SPHKAP: variants seen among roughly 807,000 people sequenced by gnomAD.
SPHKAP encodes A-kinase anchor protein SPHKAP.
SPHKAP carries 67 observed loss-of-function variants against 137.5 expected under a neutral mutation model. That is an observed-to-expected ratio of 0.49 (90% CI 0.40 to 0.60). The LOEUF (loss-of-function observed/expected upper bound fraction) is 0.60. SPHKAP is among the 20% of genes least tolerant of loss of function. SPHKAP has a pLI of 0.00. For missense variants in SPHKAP, 2,097 were observed against 2,069.3 expected, an observed-to-expected ratio of 1.01 and a Z score of -0.26; for synonymous variants, 813 against 785.3, an observed-to-expected ratio of 1.04 and a Z score of -0.59.
chr2:228,181,481 G>T lies in SPHKAP; in HGVS notation c.32+86C>A. On this transcript the variant is annotated intron_variant, in intron 1 of 11. Coordinates refer to ENST00000392056, the MANE Select transcript of SPHKAP (RefSeq NM_001142644.2). The surrounding 1 kb of genome is among the most constrained non-coding windows in gnomAD (Gnocchi z 4.3). The stretch of plus-strand genomic sequence containing the variant: ...CTGGGAGCCCCGTGCAAACCGAAGC[G>T]CTCTGGGGCAAGTTGGTGAGCGACT... The T allele has an allele frequency of 1.9e-6, 3 of 1,592,366 alleles. No individual in the cohort carries two copies. Among genetic ancestry groups the T allele is most frequent in the Non-Finnish European group, 1.7e-6 (2 of 1,160,420 alleles).
At chr2:228,050,327 C>T (rs1559147431) in intron 3 of SPHKAP, among the ~76,000 whole-genome samples, 2 of 152,178 alleles carry the variant, frequency 1.3e-5, no homozygotes, top group Non-Finnish European at 1.5e-5. Flanking sequence ...AATCCCATTG[C>T]TGAGTATAAA....
intron 3 of SPHKAP, among the ~76,000 whole-genome samples, chr2:228,042,655 A>G (rs1156450357): frequency 6.6e-6 from 1 of 152,164 alleles, no homozygotes; most frequent in Non-Finnish European, 1.5e-5. Flanking sequence ...GTCATTTCTG[A>G]GAACATAAAA....
At chr2:227,988,827 C>T (rs528722623) in intron 11 of SPHKAP, among the ~76,000 whole-genome samples, 3 of 152,258 alleles carry the variant, frequency 2.0e-5, no homozygotes, top group African/African-American at 7.2e-5. Context: ...CCCTTTGCTG[C>T]TGAGTTGTAA....
intron 2 of SPHKAP, among the ~76,000 whole-genome samples, chr2:228,126,464 T>G (rs1399322780): frequency 6.6e-6 from 1 of 152,116 alleles, no homozygotes; most frequent in Non-Finnish European, 1.5e-5. Context: ...CAAACATAAC[T>G]TAATTGTCAC....
In SPHKAP at chr2:228,147,779, G is replaced by A. The variant is rs74843884; in HGVS notation, c.33-15694C>T. ...TATTTTGCCCCAATCATTGTGACAG[G>A]ATTTTTACATTTGCCACTTTAAATC... is the stretch of plus-strand genomic sequence containing the variant. On this transcript the variant is annotated intron_variant, in intron 1 of 11. Coordinates refer to ENST00000392056, the MANE Select transcript of SPHKAP (RefSeq NM_001142644.2). 1.8e-3 allele frequency among the ~76,000 whole-genome samples: 275 copies of A among 152,286 alleles called. 1 individual carries two copies. The East Asian group carries it at 0.022, about 12-fold the overall frequency.
At chr2:228,180,625 A>T (rs535443684) in intron 1 of SPHKAP, among the ~76,000 whole-genome samples, 121 of 152,308 alleles carry the variant, frequency 7.9e-4, no homozygotes, top group African/African-American at 2.7e-3. Flanking sequence ...CGCCGCAGCC[A>T]GGACACCCTC....
chr2:228,109,772 C>A (rs1436427791), intron 2 of SPHKAP, among the ~76,000 whole-genome samples: 2 of 151,758 alleles, frequency 1.3e-5, no homozygotes, highest in African/African-American at 4.8e-5. Flanking sequence ...TTGAGACCAG[C>A]CTGGCTAACA....
chr2:228,010,046 TC>T (rs1281346554), intron 7 of SPHKAP, among the ~76,000 whole-genome samples: 22 of 152,298 alleles, frequency 1.4e-4, no homozygotes, highest in African/African-American at 4.8e-4. Context: ...AGTCTGTGTC[TC>T]CTCACCTCAT....
Position 227,993,565 on chromosome 2 carries a change from G to A in SPHKAP, c.4690C>T (p.Gln1564Ter). Reference sequence around the variant, plus strand: ...ATGGGAGAAGATGGCATGCTTTCCTGATAAATGTCCAGATCCATAATGCCA... The same window carrying A: ...ATGGGAGAAGATGGCATGCTTTCCTAATAAATGTCCAGATCCATAATGCCA... ...SLGIMDLDIY[Q>*]ESMPSSPMIN... Residue 1564 changes from glutamine (Q) to a stop codon, truncating the protein, a stop_gained, in exon 9 of 12, where the codon CAG (glutamine) becomes TAG (stop). Transcript: ENST00000392056. LOFTEE classifies it high-confidence loss of function. 1 of 1,604,606 alleles carries A rather than the reference G, an allele frequency of 6.2e-7. No homozygotes were observed. The highest frequency in any genetic ancestry group is 8.5e-7 in the Non-Finnish European group (1 of 1,175,638).
At chr2:228,092,632 T>C (rs1229139515) in intron 3 of SPHKAP, among the ~76,000 whole-genome samples, 1 of 147,878 alleles carries the variant, frequency 6.8e-6, no homozygotes, top group Non-Finnish European at 1.5e-5. Context: ...TATGTGTATA[T>C]TATATGTGTA....
At chr2:228,176,703 C>T (rs1349499745) in intron 1 of SPHKAP, among the ~76,000 whole-genome samples, 1 of 152,178 alleles carries the variant, frequency 6.6e-6, no homozygotes, top group African/African-American at 2.4e-5. Flanking sequence ...GAAATCCCGT[C>T]TCTACTAAAA....
intron 1 of SPHKAP, among the ~76,000 whole-genome samples, chr2:228,164,734 AC>A (rs1700371888): frequency 6.6e-6 from 1 of 152,116 alleles, no homozygotes; most frequent in African/African-American, 2.4e-5. Context: ...TACTTCAGGC[AC>A]ACACCTAGAG....
chr2:228,065,770 A>AT (rs1266707148), intron 3 of SPHKAP, among the ~76,000 whole-genome samples: 1 of 152,164 alleles, frequency 6.6e-6, no homozygotes, highest in African/African-American at 2.4e-5. Flanking sequence ...CTAGAGAGAG[A>AT]CAGTGCATTG....
intron 1 of SPHKAP, among the ~76,000 whole-genome samples, chr2:228,178,959 G>A (rs1700821049): frequency 6.6e-6 from 1 of 151,580 alleles, no homozygotes; most frequent in African/African-American, 2.4e-5. Flanking sequence ...ATGTTTTACA[G>A]TTTCTGAAGT....
At chr2:228,076,884 G>T (rs1430218599) in intron 3 of SPHKAP, among the ~76,000 whole-genome samples, 1 of 152,146 alleles carries the variant, frequency 6.6e-6, no homozygotes. Flanking sequence ...GACCTATGCA[G>T]CAGTCCCTCC....
intron 2 of SPHKAP, among the ~76,000 whole-genome samples, chr2:228,110,454 T>TG (rs1698484008): frequency 1.3e-5 from 2 of 152,152 alleles, no homozygotes; most frequent in African/African-American, 4.8e-5. Flanking sequence ...AGCAAGTAAT[T>TG]GAATGATAAA....
chr2:228,030,676 A>C (rs917132055), intron 3 of SPHKAP, among the ~76,000 whole-genome samples: 6 of 151,992 alleles, frequency 3.9e-5, no homozygotes, highest in African/African-American at 1.4e-4. Flanking sequence ...AAAACATAAA[A>C]ACTGCCAGGA....
In SPHKAP at chr2:228,018,194, T is replaced by A; in HGVS notation, c.2660A>T (p.Tyr887Phe). 2 of 1,614,198 alleles carry A rather than the reference T, an allele frequency of 1.2e-6. No individual in the cohort carries two copies. Among genetic ancestry groups the A allele is most frequent in the Non-Finnish European group, 1.7e-6 (2 of 1,180,034 alleles). ...ESIHPNTQEK[Y>F]NCATSRINEV... is the part of the protein sequence containing the mutation. ...GTTGATGCGAGATGTGGCACAGTTG[T>A]ACTTTTCTTGGGTGTTTGGGTGGAT... Residue 887 changes from tyrosine to phenylalanine, a missense_variant, in exon 7 of 12, where the codon TAC (tyrosine) becomes TTC (phenylalanine). By Grantham distance (22) the Tyr-to-Phe change is conservative. Coordinates refer to ENST00000392056, the MANE Select transcript of SPHKAP (RefSeq NM_001142644.2).
intron 3 of SPHKAP, among the ~76,000 whole-genome samples, chr2:228,095,279 A>G (rs1047304842): frequency 6.6e-6 from 1 of 152,218 alleles, no homozygotes; most frequent in Non-Finnish European, 1.5e-5. Flanking sequence ...TTATGAAAAG[A>G]TAGCCGTGGC....
Sources: allele counts gnomAD v4.1 joint callset (sites outside exome capture counted in the v4.1 genomes callset), GRCh38; gene constraint gnomAD v4.1.1; non-coding constraint Gnocchi (gnomAD v3.1); transcripts MANE v1.5; gene names NCBI Gene and HGNC (gene_info 2026-07-23, HGNC 2026-07-21).